The following CLYBL variants were observed in gnomAD, a reference collection of about 807,000 sequenced individuals.
CLYBL encodes the protein citramalyl-CoA lyase, mitochondrial.
In CLYBL, 31 loss-of-function variants were observed where a neutral mutation model predicts 38.9. The ratio of observed to expected loss-of-function variants is 0.80; its 90% CI spans 0.60 to 1.08. The LOEUF (loss-of-function observed/expected upper bound fraction) is 1.08, where lower values mean the gene tolerates loss of function less well. CLYBL is among the 50% of genes least tolerant of loss of function. The pLI is 0.00. For synonymous variants in CLYBL, 171 were observed against 158.6 expected (o/e 1.08, Z -0.59); for missense variants, 434 against 411.6 (o/e 1.05, Z -0.47).
chr13:99,833,005 T>TAC (rs1378702732), intron 2 of CLYBL, among the ~76,000 whole-genome samples: 1 of 50,406 alleles, frequency 2.0e-5, no homozygotes, highest in African/African-American at 6.4e-5. Flanking sequence ...CATACATACA[T>TAC]ACATATATAT....
intron 2 of CLYBL, among the ~76,000 whole-genome samples, chr13:99,840,780 A>G (rs2051056434): frequency 1.4e-5 from 1 of 73,620 alleles, no homozygotes. Context: ...AAAAAAAAAA[A>G]GGGTTACATA....
chr13:99,696,414 G>C (rs1274595832), intron 1 of CLYBL, among the ~76,000 whole-genome samples: 1 of 151,734 alleles, frequency 6.6e-6, no homozygotes, highest in East Asian at 1.9e-4. Flanking sequence ...TTTTTTTATA[G>C]AGACAGGGTC....
chr13:99,871,120 A>G, intron 7 of CLYBL, 58 bp downstream of exon 7: 1 of 1,584,688 alleles, frequency 6.3e-7, no homozygotes, highest in South Asian at 1.1e-5. Context: ...GTCGGGAAGA[A>G]TGAAACAAAT....
chr13:99,773,055 T>A, intron 2 of CLYBL, 45 bp downstream of exon 2: 1 of 1,548,166 alleles, frequency 6.5e-7, no homozygotes, highest in Non-Finnish European at 8.8e-7. Flanking sequence ...GTATTGAAAT[T>A]TGCTTCTCTT....
chr13:99,709,561 G>A (rs1423787283), intron 1 of CLYBL, among the ~76,000 whole-genome samples: 1 of 152,148 alleles, frequency 6.6e-6, no homozygotes, highest in East Asian at 1.9e-4. Context: ...GCAAGAAGAG[G>A]TGCTCCAGAA....
At chr13:99,715,416 C>T (rs1021372454) in intron 1 of CLYBL, among the ~76,000 whole-genome samples, 10 of 141,280 alleles carry the variant, frequency 7.1e-5, no homozygotes, top group Non-Finnish European at 1.1e-4. Flanking sequence ...TTTTTCTTTT[C>T]TTTTTTTTTT....
At chr13:99,727,805 C>T (rs541252209) in intron 1 of CLYBL, among the ~76,000 whole-genome samples, 5 of 152,168 alleles carry the variant, frequency 3.3e-5, no homozygotes, top group African/African-American at 9.6e-5. Flanking sequence ...TTGCCGGGTG[C>T]GGTGGCTCAT....
intron 1 of CLYBL, among the ~76,000 whole-genome samples, chr13:99,730,771 C>A (rs958366004): frequency 6.6e-6 from 1 of 152,118 alleles, no homozygotes; most frequent in African/African-American, 2.4e-5. Flanking sequence ...AACGGCCTCC[C>A]CATTCTTTCC....
chr13:99,791,710 A>G (rs1291083768), intron 2 of CLYBL, among the ~76,000 whole-genome samples: 1 of 152,204 alleles, frequency 6.6e-6, no homozygotes, highest in Non-Finnish European at 1.5e-5. Flanking sequence ...CAGCACATAT[A>G]AGTGCTATGT....
chr13:99,716,445 G>T (rs1358124923), intron 1 of CLYBL, among the ~76,000 whole-genome samples: 2 of 144,602 alleles, frequency 1.4e-5, no homozygotes, highest in African/African-American at 2.6e-5. Flanking sequence ...GTGCAATGGC[G>T]CAATCTCGGC....
intron 2 of CLYBL, among the ~76,000 whole-genome samples, chr13:99,857,400 AAAAC>A (rs1196666382): frequency 6.6e-6 from 1 of 152,226 alleles, no homozygotes; most frequent in African/African-American, 2.4e-5. Context: ...TCTATGGAAT[AAAAC>A]AAAGGTATGA....
At chr13:99,780,997 A>G (rs1184735975) in intron 2 of CLYBL, among the ~76,000 whole-genome samples, 1 of 151,930 alleles carries the variant, frequency 6.6e-6, no homozygotes, top group Non-Finnish European at 1.5e-5. Flanking sequence ...TACAGGCATG[A>G]GCCACTGCAC....
chr13:99,669,065 G>A (rs1392061851), intron 1 of CLYBL, among the ~76,000 whole-genome samples: 4 of 151,224 alleles, frequency 2.6e-5, no homozygotes, highest in South Asian at 2.1e-4. Context: ...GCAGTGGCGC[G>A]ATCTCGGCTC....
intron 2 of CLYBL, among the ~76,000 whole-genome samples, chr13:99,817,990 G>A (rs898800829): frequency 2.6e-5 from 4 of 151,528 alleles, no homozygotes; most frequent in African/African-American, 9.7e-5. Flanking sequence ...GTGACAGAGT[G>A]AGAACTTGTC....
downstream of CLYBL, among the ~76,000 whole-genome samples, chr13:99,899,106 A>C (rs2052614350): frequency 1.3e-5 from 2 of 152,220 alleles, no homozygotes; most frequent in African/African-American, 2.4e-5. Context: ...AGCTACCCAA[A>C]TAAAAACACC....
downstream of CLYBL, chr13:99,894,736 C>CGGGG (rs71114646): frequency 1.6e-4 from 4 of 24,296 alleles, no homozygotes; most frequent in African/African-American, 5.7e-4. Flanking sequence ...TTGCCTGAGG[C>CGGGG]GGGGGGGGGG....
intron 1 of CLYBL, among the ~76,000 whole-genome samples, chr13:99,737,716 G>A (rs961686551): frequency 5.3e-5 from 8 of 152,168 alleles, no homozygotes; most frequent in Non-Finnish European, 1.2e-4. Flanking sequence ...TAGGAATTGC[G>A]TCCTGGTCAC....
At chr13:99,872,001 AAAAAAG>A (rs751547311) in intron 7 of CLYBL, among the ~76,000 whole-genome samples, 5 of 142,446 alleles carry the variant, frequency 3.5e-5, no homozygotes, top group Non-Finnish European at 7.7e-5. Flanking sequence ...AAAAAAAAAA[AAAAAAG>A]AAAAAGAAAA....
intron 1 of CLYBL, among the ~76,000 whole-genome samples, chr13:99,608,847 C>CT (rs57961216): frequency 9.6e-4 from 84 of 87,848 alleles, no homozygotes; most frequent in African/African-American, 1.7e-3. Flanking sequence ...AGTGATGAGT[C>CT]TTTTTTTTTT....
Sources: gnomAD v4.1 joint callset for allele counts (sites outside exome capture counted in the v4.1 genomes callset) on GRCh38, gnomAD v4.1.1 for gene constraint, MANE v1.5 for transcripts, NCBI Gene and HGNC (gene_info 2026-07-23, HGNC 2026-07-21) for gene names.